GBE1: variants seen among roughly 807,000 people sequenced by gnomAD.
GBE1 encodes the protein 1,4-alpha-glucan branching enzyme 1, also known as 1,4-alpha-glucan-branching enzyme.
GBE1 carries 70 observed loss-of-function variants against 88.8 expected under a neutral mutation model. The observed-to-expected ratio is 0.79, with a 90% CI of 0.65 to 0.96. The LOEUF (loss-of-function observed/expected upper bound fraction) is 0.96. Among genes scored for constraint, GBE1 ranks in the 40% least tolerant of loss-of-function variants. The probability of loss-of-function intolerance (pLI) is 0.00; values close to 1 mark genes in which losing one functional copy is unlikely to be tolerated. For missense variants in GBE1, 872 were observed against 871.0 expected (o/e 1.00, Z -0.01); for synonymous variants, 284 against 300.1 (o/e 0.95, Z 0.56).
intron 15 of GBE1, among the ~76,000 whole-genome samples, chr3:81,493,872 T>G (rs1702469248): frequency 6.6e-6 from 1 of 151,882 alleles, no homozygotes; most frequent in Non-Finnish European, 1.5e-5. Flanking sequence ...AAGTTCCAGG[T>G]TTGTAACATA....
chr3:81,608,612 T>C (rs1285811552), intron 7 of GBE1, among the ~76,000 whole-genome samples: 1 of 152,096 alleles, frequency 6.6e-6, no homozygotes, highest in Non-Finnish European at 1.5e-5. Context: ...AAACAATACA[T>C]ACATGAGATA....
chr3:81,514,513 A>G lies in GBE1; in HGVS notation c.1935-15286T>C, dbSNP rs183734206. 4.6e-5 allele frequency among the ~76,000 whole-genome samples: 7 copies of G among 151,710 alleles called. No individual in the cohort carries two copies. The East Asian group carries it at 1.4e-3, about 29-fold the overall frequency. Reference sequence around the variant, plus strand: ...ATTTTCCCATCATTAGGCCAACAGAAACTACATTAATAGAATTAGAGATGG... The same window carrying G: ...ATTTTCCCATCATTAGGCCAACAGAGACTACATTAATAGAATTAGAGATGG... On this transcript the variant is annotated intron_variant, in intron 14 of 15. Transcript: ENST00000429644.
chr3:81,712,762 C>T (rs975867162), intron 1 of GBE1, among the ~76,000 whole-genome samples: 11 of 151,666 alleles, frequency 7.3e-5, no homozygotes, highest in African/African-American at 1.9e-4. Context: ...TAAACCTGCA[C>T]GTTGTGCACA....
At chr3:81,681,034 AC>A (rs1218877578) in intron 2 of GBE1, among the ~76,000 whole-genome samples, 15 of 152,378 alleles carry the variant, frequency 9.8e-5, no homozygotes, top group African/African-American at 2.4e-4. Flanking sequence ...TCTGAACCTG[AC>A]TATCCTTTCA....
intron 3 of GBE1, among the ~76,000 whole-genome samples, chr3:81,652,632 A>G (rs1704866629): frequency 6.6e-6 from 1 of 152,170 alleles, no homozygotes; most frequent in South Asian, 2.1e-4. Context: ...TCTACTCTTT[A>G]GGCCCCTGGA....
chr3:81,695,962 A>C (rs1244050097), intron 2 of GBE1, among the ~76,000 whole-genome samples: 1 of 152,242 alleles, frequency 6.6e-6, no homozygotes, highest in Non-Finnish European at 1.5e-5. Context: ...GTCATAATTA[A>C]AATGAATACT....
chr3:81,750,533 A>ATG (rs1706482870), intron 1 of GBE1, among the ~76,000 whole-genome samples: 1 of 76,234 alleles, frequency 1.3e-5, no homozygotes, highest in African/African-American at 8.8e-5. Flanking sequence ...TCATATATAT[A>ATG]TATACGTATA....
At chr3:81,741,127 C>G (rs1278058676) in intron 1 of GBE1, among the ~76,000 whole-genome samples, 1 of 152,094 alleles carries the variant, frequency 6.6e-6, no homozygotes, top group East Asian at 1.9e-4. Context: ...TAACAAATAA[C>G]AATTAACAAT....
intron 3 of GBE1, among the ~76,000 whole-genome samples, chr3:81,652,975 A>T (rs1334206934): frequency 2.6e-5 from 4 of 152,166 alleles, no homozygotes; most frequent in Non-Finnish European, 5.9e-5. Context: ...CAACCTCAAA[A>T]TGTCAGCATG....
At chr3:81,612,701 G>C (rs144511616) in intron 7 of GBE1, 6 of 508,922 alleles carry the variant, frequency 1.2e-5, no homozygotes, top group Admixed American at 6.6e-5. Context: ...CTTCATCACT[G>C]TGTTCAATTG....
chr3:81,709,311 T>TTG (rs1421710873), intron 1 of GBE1, among the ~76,000 whole-genome samples: 1 of 152,286 alleles, frequency 6.6e-6, no homozygotes, highest in African/African-American at 2.4e-5. Flanking sequence ...AAAAGGTTCT[T>TTG]TGTGTGTGTG....
chr3:81,544,016 T>C (rs1315488698), intron 12 of GBE1, among the ~76,000 whole-genome samples: 3 of 152,190 alleles, frequency 2.0e-5, no homozygotes, highest in Non-Finnish European at 4.4e-5. Flanking sequence ...ATGTTGTATG[T>C]ATGTTCACAT....
chr3:81,583,153 A>G (rs1336181728), intron 10 of GBE1, among the ~76,000 whole-genome samples: 1 of 152,132 alleles, frequency 6.6e-6, no homozygotes, highest in Non-Finnish European at 1.5e-5. Context: ...TTTGAAAAAT[A>G]ATAAAACCAC....
At chr3:81,573,434 C>T (rs565875279) in intron 12 of GBE1, among the ~76,000 whole-genome samples, 1 of 152,244 alleles carries the variant, frequency 6.6e-6, no homozygotes, top group African/African-American at 2.4e-5. Context: ...AACAAGTTTC[C>T]TAAATATTTA....
chr3:81,589,266 A>T (rs1703842943), intron 9 of GBE1, among the ~76,000 whole-genome samples: 1 of 151,988 alleles, frequency 6.6e-6, no homozygotes, highest in Non-Finnish European at 1.5e-5. Flanking sequence ...ATGGTAGATA[A>T]ACTTGAGCAA....
At chr3:81,655,609 C>A (rs1704924581) in intron 3 of GBE1, among the ~76,000 whole-genome samples, 1 of 152,096 alleles carries the variant, frequency 6.6e-6, no homozygotes, top group Non-Finnish European at 1.5e-5. Context: ...CTCCACCTCC[C>A]AGGTTCAAGC....
Position 81,731,053 on chromosome 3 carries a change from T to C in GBE1, c.144-25440A>G, listed in dbSNP as rs73853476. Among the ~76,000 whole-genome samples, 766 of 152,264 alleles carry C rather than the reference T, an allele frequency of 5.0e-3. 2 individuals are homozygous for C. The highest frequency in any genetic ancestry group is 0.018 in the African/African-American group (736 of 41,556). On this transcript the variant is annotated intron_variant, in intron 1 of 15. Transcript: ENST00000429644. ...CTTTTAACCCTGAAAAAAGGTAATA[T>C]AGGCTGAGAGGCAAAGTAGAAAGGC...
intron 1 of GBE1, among the ~76,000 whole-genome samples, chr3:81,728,790 GC>G (rs1364929808): frequency 6.6e-6 from 1 of 152,102 alleles, no homozygotes; most frequent in Admixed American, 6.6e-5. Flanking sequence ...CACTACTGCT[GC>G]CTTCTTATAC....
intron 7 of GBE1, among the ~76,000 whole-genome samples, chr3:81,642,377 C>A (rs1483056004): frequency 6.6e-6 from 1 of 151,712 alleles, no homozygotes; most frequent in Non-Finnish European, 1.5e-5. Context: ...TAATCAAAAC[C>A]ATGTAATTTT....
Sources: allele counts gnomAD v4.1 joint callset (sites outside exome capture counted in the v4.1 genomes callset), GRCh38; gene constraint gnomAD v4.1.1; transcripts MANE v1.5; gene names NCBI Gene and HGNC (gene_info 2026-07-23, HGNC 2026-07-21).